The following ZMIZ1 variants were observed in gnomAD, a reference collection of about 807,000 sequenced individuals.
The protein encoded by ZMIZ1 is zinc finger MIZ-type containing 1, also known as zinc finger MIZ domain-containing protein 1.
In ZMIZ1, 17 loss-of-function variants were observed where a neutral mutation model predicts 113.9. That is an observed-to-expected ratio of 0.15 (90% CI 0.10 to 0.22). The LOEUF is 0.22. Ranked by LOEUF, ZMIZ1 falls within the 10% of genes least tolerant of loss-of-function variation. The probability of loss-of-function intolerance (pLI) is 1.00; values close to 1 mark genes in which losing one functional copy is unlikely to be tolerated. For synonymous variants in ZMIZ1, 607 were observed against 603.1 expected (o/e 1.01, Z -0.09); for missense variants, 1,059 against 1,477.8 (o/e 0.72, Z 4.65).
chr10:79,161,972 G>A (rs905883450), intron 3 of ZMIZ1, 81 bp from the exon 4 acceptor site: 13 of 398,824 alleles, frequency 3.3e-5, no homozygotes, highest in Non-Finnish European at 5.7e-5. Flanking sequence ...GGGATGATAT[G>A]GTGGCAGTGG....
At chr10:79,165,369 A>G (rs997209566) in intron 4 of ZMIZ1, among the ~76,000 whole-genome samples, 2 of 152,186 alleles carry the variant, frequency 1.3e-5, no homozygotes, top group African/African-American at 4.8e-5. Flanking sequence ...CCAGAGACCC[A>G]GGATGACAGT....
chr10:79,251,255 G>A (rs1163067154), intron 7 of ZMIZ1, among the ~76,000 whole-genome samples: 1 of 152,082 alleles, frequency 6.6e-6, no homozygotes, highest in Non-Finnish European at 1.5e-5. Context: ...CCCTGTCTAA[G>A]CCTCAGTTTC....
intron 3 of ZMIZ1, among the ~76,000 whole-genome samples, chr10:79,151,368 G>C (rs1845704019): frequency 6.6e-6 from 1 of 152,138 alleles, no homozygotes; most frequent in Non-Finnish European, 1.5e-5. Context: ...CCTTTTCCCT[G>C]TGAGGGAAAC....
chr10:79,284,928 T>A (rs1001817351), intron 8 of ZMIZ1, among the ~76,000 whole-genome samples: 3 of 152,242 alleles, frequency 2.0e-5, no homozygotes, highest in African/African-American at 2.4e-5. Flanking sequence ...ATTTGGGTTT[T>A]CTCTGCAGCT....
intron 2 of ZMIZ1, among the ~76,000 whole-genome samples, chr10:79,125,632 C>T (rs548921622): frequency 2.6e-5 from 4 of 152,354 alleles, no homozygotes; most frequent in Non-Finnish European, 4.4e-5. Flanking sequence ...CAGCCTTGGC[C>T]GTGCCTGTGT....
intron 7 of ZMIZ1, among the ~76,000 whole-genome samples, chr10:79,236,554 A>G (rs1214662579): frequency 6.6e-6 from 1 of 152,086 alleles, no homozygotes; most frequent in African/African-American, 2.4e-5. Context: ...ATGGGAAGAG[A>G]TTCATTAGAG....
intron 1 of ZMIZ1, among the ~76,000 whole-genome samples, chr10:79,108,891 C>G (rs1474634588): frequency 6.6e-6 from 1 of 152,104 alleles, no homozygotes; most frequent in Non-Finnish European, 1.5e-5. Flanking sequence ...ACCGAGGCCC[C>G]TGTGCATGCA....
intron 2 of ZMIZ1, among the ~76,000 whole-genome samples, chr10:79,122,303 A>G (rs1209257538): frequency 1.3e-5 from 2 of 152,064 alleles, no homozygotes; most frequent in Non-Finnish European, 1.5e-5. Context: ...GCAGTCCAGG[A>G]CAGAAGCTTT....
chr10:79,238,436 A>G (rs1042202822), intron 7 of ZMIZ1, among the ~76,000 whole-genome samples: 2 of 152,194 alleles, frequency 1.3e-5, no homozygotes, highest in Non-Finnish European at 2.9e-5. Flanking sequence ...CTCACTGTGC[A>G]TCGTGTCCCT....
At chr10:79,252,878 G>A (rs1850639754) in intron 7 of ZMIZ1, among the ~76,000 whole-genome samples, 1 of 152,214 alleles carries the variant, frequency 6.6e-6, no homozygotes, top group Admixed American at 6.5e-5. Flanking sequence ...ATTTCTTCAA[G>A]TTCATAACTA....
intron 2 of ZMIZ1, among the ~76,000 whole-genome samples, chr10:79,137,687 A>G (rs1329360107): frequency 7.9e-5 from 12 of 152,168 alleles, no homozygotes; most frequent in Non-Finnish European, 1.5e-5. Context: ...TGGGACCACA[A>G]GATTTGCACC....
At chr10:79,152,388 T>C (rs969856551) in intron 3 of ZMIZ1, among the ~76,000 whole-genome samples, 13 of 152,234 alleles carry the variant, frequency 8.5e-5, no homozygotes, top group Admixed American at 7.8e-4. Context: ...CAGTCCCAGC[T>C]ACTTGGAGGG....
Position 79,282,296 on chromosome 10 carries a change from C to G in ZMIZ1, c.425+4971C>G, listed in dbSNP as rs1055236441. The stretch of plus-strand genomic sequence containing the variant: ...CTTGGAGGCAGGAAGCTCTTTTTGC[C>G]TTTTCATTAAGGCGACATTGAGCTG... On this transcript the variant is annotated intron_variant, in intron 8 of 24. Transcript: ENST00000334512. Among the ~76,000 whole-genome samples the G allele has an allele frequency of 6.6e-5, 10 of 152,166 alleles. No homozygotes were observed. In the East Asian group the frequency reaches 1.9e-3, roughly 29 times the overall value.
chr10:79,259,954 C>A (rs558363643), intron 7 of ZMIZ1, among the ~76,000 whole-genome samples: 1 of 152,302 alleles, frequency 6.6e-6, no homozygotes, highest in East Asian at 1.9e-4. Context: ...TTTGCTCCCC[C>A]TCTCTCCACT....
chr10:79,315,880 CCAT>C lies in ZMIZ1; in HGVS notation c.*3134_*3136del, dbSNP rs1285445082. On this transcript the variant is annotated 3_prime_UTR_variant, in exon 25 of 25. Transcript: ENST00000334512. ...AAAACAAAAAAAAAAGCTTGGAACT[CCAT>C]CACGTGGAAAAACTAGATCCTGTTG... 6.6e-6 allele frequency: 1 copy of C among 152,642 alleles called. No individual in the cohort carries two copies. The highest frequency in any genetic ancestry group is 1.5e-5 in the Non-Finnish European group (1 of 68,018). The allele number at this position is 152,642 out of a possible 1,614,324, so 9.5% of individuals were successfully genotyped here.
chr10:79,079,928 C>T lies in ZMIZ1; in HGVS notation c.-337+10658C>T, dbSNP rs542547204. Among the ~76,000 whole-genome samples, 4 of 152,176 alleles carry T rather than the reference C, an allele frequency of 2.6e-5. No individual in the cohort carries two copies. In the South Asian group the frequency reaches 6.2e-4, roughly 24 times the overall value. On this transcript the variant is annotated intron_variant, in intron 1 of 24. Coordinates refer to ENST00000334512, the MANE Select transcript of ZMIZ1 (RefSeq NM_020338.4). ...CCCGCCCAGGTTCATGGTTCCTCTTCGGGGGCTGTGGGGACCACTGGCACT... is the reference window on the plus strand; with the variant it reads ...CCCGCCCAGGTTCATGGTTCCTCTTTGGGGGCTGTGGGGACCACTGGCACT...
intron 11 of ZMIZ1, chr10:79,292,780 G>C (rs890413551): frequency 4.3e-6 from 2 of 465,468 alleles, no homozygotes; most frequent in Non-Finnish European, 8.6e-6. Context: ...GGTCTGCGCA[G>C]GCCCCAGTGC....
intron 2 of ZMIZ1, among the ~76,000 whole-genome samples, chr10:79,130,841 G>A (rs977963659): frequency 2.0e-5 from 3 of 152,196 alleles, no homozygotes; most frequent in Non-Finnish European, 4.4e-5. Flanking sequence ...GATCAGTAAA[G>A]TGAGCTCCCA....
chr10:79,289,567 G>C (rs1384632974), intron 8 of ZMIZ1, among the ~76,000 whole-genome samples: 1 of 152,204 alleles, frequency 6.6e-6, no homozygotes, highest in South Asian at 2.1e-4. Context: ...CGGGGGAAAG[G>C]TGGCCACTTC....
Sources: gnomAD v4.1 joint callset for allele counts (sites outside exome capture counted in the v4.1 genomes callset) on GRCh38, gnomAD v4.1.1 for gene constraint, MANE v1.5 for transcripts, NCBI Gene and HGNC (gene_info 2026-07-23, HGNC 2026-07-21) for gene names.